The following DACH1 variants were observed in gnomAD, a reference collection of about 807,000 sequenced individuals.
The protein encoded by DACH1 is dachshund family transcription factor 1.
In DACH1, 12 loss-of-function variants were observed where a neutral mutation model predicts 54.2. The observed-to-expected ratio is 0.22, with a 90% CI of 0.14 to 0.36. The LOEUF (loss-of-function observed/expected upper bound fraction) is 0.36, where lower values mean the gene tolerates loss of function less well. DACH1 is among the 10% of genes least tolerant of loss of function. The pLI is 1.00. For missense variants in DACH1, 805 were observed against 929.8 expected, an observed-to-expected ratio of 0.87 and a Z score of 1.75; for synonymous variants, 386 against 366.2, an observed-to-expected ratio of 1.05 and a Z score of -0.62.
chr13:71,559,993 G>A, intron 4 of DACH1, 38 bp from the exon 5 acceptor site: 3 of 1,457,686 alleles, frequency 2.1e-6, no homozygotes. Flanking sequence ...TAGAAAAGAT[G>A]TTAAATACAA....
chr13:71,824,165 C>A (rs1888295991), intron 1 of DACH1, among the ~76,000 whole-genome samples: 3 of 151,690 alleles, frequency 2.0e-5, no homozygotes, highest in Admixed American at 2.0e-4. Flanking sequence ...CTACAATGAG[C>A]CAAGATTTAA....
intron 1 of DACH1, among the ~76,000 whole-genome samples, chr13:71,733,954 C>T (rs1434510080): frequency 6.6e-6 from 1 of 151,932 alleles, no homozygotes; most frequent in African/African-American, 2.4e-5. Context: ...GAGGCTGATG[C>T]AGGAGAAGCA....
chr13:71,714,416 A>G (rs1283758018), intron 1 of DACH1, among the ~76,000 whole-genome samples: 1 of 152,092 alleles, frequency 6.6e-6, no homozygotes, highest in Non-Finnish European at 1.5e-5. Context: ...CCAGAATTAC[A>G]AAATAGTAAG....
chr13:71,552,832 TATATATATATAGAG>T (rs1285218891), intron 6 of DACH1, among the ~76,000 whole-genome samples: 37 of 38,766 alleles, frequency 9.5e-4, no homozygotes, highest in East Asian at 2.6e-3. Context: ...TATATATATA[TATATATATATAGAG>T]AGAGAGAGAG....
In DACH1 at chr13:71,767,941, T is replaced by C. The variant is rs547249822; in HGVS notation, c.849-86031A>G. Among the ~76,000 whole-genome samples the C allele has an allele frequency of 1.5e-3, 227 of 152,088 alleles. 1 individual carries two copies. The highest frequency in any genetic ancestry group is 3.4e-3 in the Middle Eastern group (1 of 294). ...GTAGCAATGAAGCAATATTTTAAAATAAGATATAATTTAGCTCCATAGGCA... is the reference window on the plus strand; with the variant it reads ...GTAGCAATGAAGCAATATTTTAAAACAAGATATAATTTAGCTCCATAGGCA... On this transcript the variant is annotated intron_variant, in intron 1 of 10. Transcript: ENST00000613252.
At chr13:71,734,984 TA>T (rs1432372352) in intron 1 of DACH1, among the ~76,000 whole-genome samples, 19 of 149,334 alleles carry the variant, frequency 1.3e-4, no homozygotes, top group African/African-American at 4.4e-4. Flanking sequence ...ACACAGGATA[TA>T]TATATATATA....
chr13:71,815,892 T>G (rs934908185), intron 1 of DACH1, among the ~76,000 whole-genome samples: 1 of 151,994 alleles, frequency 6.6e-6, no homozygotes, highest in African/African-American at 2.4e-5. Flanking sequence ...GAGACCATCC[T>G]GGCTAACACG....
intron 1 of DACH1, among the ~76,000 whole-genome samples, chr13:71,758,788 T>C (rs1299798872): frequency 6.6e-6 from 1 of 152,212 alleles, no homozygotes; most frequent in African/African-American, 2.4e-5. Flanking sequence ...TGGCATATAA[T>C]TTCTACGGGT....
intron 1 of DACH1, among the ~76,000 whole-genome samples, chr13:71,749,571 A>C (rs1884831484): frequency 6.6e-6 from 1 of 152,188 alleles, no homozygotes; most frequent in African/African-American, 2.4e-5. Context: ...AATTATTATT[A>C]CTAATATTTT....
intron 1 of DACH1, among the ~76,000 whole-genome samples, chr13:71,712,561 A>G (rs1415974952): frequency 1.3e-5 from 2 of 152,128 alleles, no homozygotes; most frequent in African/African-American, 4.8e-5. Flanking sequence ...GTTGTAGTCT[A>G]AAGTTCAGGA....
intron 3 of DACH1, among the ~76,000 whole-genome samples, chr13:71,588,682 A>G (rs1873455946): frequency 1.3e-5 from 2 of 152,104 alleles, no homozygotes; most frequent in Non-Finnish European, 2.9e-5. Flanking sequence ...ACAACACAAA[A>G]TAATGAACAA....
intron 6 of DACH1, among the ~76,000 whole-genome samples, chr13:71,518,354 A>G (rs900931433): frequency 1.3e-5 from 2 of 151,666 alleles, no homozygotes; most frequent in Admixed American, 6.6e-5. Flanking sequence ...AAACTACCCA[A>G]ACCTTGATTT....
At chr13:71,547,032 C>T (rs1334601708) in intron 6 of DACH1, among the ~76,000 whole-genome samples, 2 of 152,006 alleles carry the variant, frequency 1.3e-5, no homozygotes, top group African/African-American at 4.8e-5. Context: ...ATTATGATAG[C>T]TTCCCCATGT....
intron 1 of DACH1, among the ~76,000 whole-genome samples, chr13:71,729,036 G>T (rs903519486): frequency 1.3e-5 from 2 of 151,850 alleles, no homozygotes; most frequent in Non-Finnish European, 2.9e-5. Context: ...TCCTACAAAA[G>T]AATTTACCCC....
intron 6 of DACH1, among the ~76,000 whole-genome samples, chr13:71,538,492 G>T (rs754797423): frequency 9.2e-5 from 14 of 152,022 alleles, no homozygotes. Flanking sequence ...TTCTGAGCAA[G>T]GAAAAGGAAT....
intron 7 of DACH1, among the ~76,000 whole-genome samples, chr13:71,487,456 G>A (rs1042652481): frequency 1.3e-5 from 2 of 151,474 alleles, no homozygotes; most frequent in South Asian, 4.2e-4. Context: ...ATAGTTCGAG[G>A]TGATGTGGAT....
At chr13:71,521,264 T>C (rs1354813746) in intron 6 of DACH1, among the ~76,000 whole-genome samples, 2 of 152,184 alleles carry the variant, frequency 1.3e-5, no homozygotes, top group East Asian at 3.9e-4. Flanking sequence ...AATAGATTTC[T>C]ATTAATACTA....
intron 1 of DACH1, among the ~76,000 whole-genome samples, chr13:71,839,378 C>A (rs951173307): frequency 1.3e-5 from 2 of 152,020 alleles, no homozygotes; most frequent in Admixed American, 6.6e-5. Context: ...GAGGCCAAGG[C>A]GGGTGGATAA....
chr13:71,784,819 T>C (rs1886524487), intron 1 of DACH1, among the ~76,000 whole-genome samples: 2 of 152,132 alleles, frequency 1.3e-5, no homozygotes, highest in South Asian at 2.1e-4. Context: ...TCATAAAGAA[T>C]TTCTATCATA....
Sources: allele counts gnomAD v4.1 joint callset (sites outside exome capture counted in the v4.1 genomes callset), GRCh38; gene constraint gnomAD v4.1.1; transcripts MANE v1.5; gene names NCBI Gene and HGNC (gene_info 2026-07-23, HGNC 2026-07-21).